Variants in TECRL observed in about 807,000 individuals in gnomAD.
TECRL encodes trans-2,3-enoyl-CoA reductase like.
Under a neutral mutation model 52.8 loss-of-function variants are expected in TECRL, and 63 were observed. That is an observed-to-expected ratio of 1.19 (90% CI 0.97 to 1.47). The LOEUF (loss-of-function observed/expected upper bound fraction) is 1.47, where lower values mean the gene tolerates loss of function less well. Among genes scored for constraint, TECRL ranks in the 40% most tolerant of loss-of-function variants. TECRL has a pLI of 0.00. For missense variants in TECRL, 482 were observed against 429.6 expected (o/e 1.12, Z -1.08); for synonymous variants, 164 against 141.9 (o/e 1.16, Z -1.10).
rs182735974 is a variant in TECRL, at chr4:64,281,153, T to G, written c.919-67A>C. 1.8e-4 allele frequency: 231 copies of G among 1,272,182 alleles called. 1 individual carries two copies. The Admixed American group carries it at 4.2e-3, about 23-fold the overall frequency. The allele number at this position is 1,272,182 out of a possible 1,614,324, so 78.8% of individuals were successfully genotyped here. A position where few individuals can be genotyped will look rare whatever the true frequency, so the allele number is the denominator to read the frequency against. ...TCTAGTAATTTGTTCATTTGTGGCT[T>G]TAACAGGTAATTTTAAGGCTTAAAA... On this transcript the variant is annotated intron_variant, in intron 10 of 11. Transcript: ENST00000381210.
intron 1 of TECRL, among the ~76,000 whole-genome samples, chr4:64,399,307 C>T (rs1034256235): frequency 2.0e-5 from 3 of 152,040 alleles, no homozygotes; most frequent in Non-Finnish European, 2.9e-5. Context: ...AGAAGAATAA[C>T]TTGAAGTTGG....
intron 8 of TECRL, among the ~76,000 whole-genome samples, chr4:64,293,268 C>T (rs1014058397): frequency 2.0e-5 from 3 of 151,874 alleles, no homozygotes; most frequent in Non-Finnish European, 4.4e-5. Context: ...TTTCAGGACC[C>T]TCTATACTCT....
intron 4 of TECRL, among the ~76,000 whole-genome samples, chr4:64,322,387 C>T (rs1017849705): frequency 8.0e-5 from 12 of 149,874 alleles, no homozygotes; most frequent in Admixed American, 7.4e-4. Context: ...AGCAGCAGGA[C>T]CTAGACCGAA....
chr4:64,325,489 T>G (rs1247112965), intron 3 of TECRL, among the ~76,000 whole-genome samples: 1 of 152,112 alleles, frequency 6.6e-6, no homozygotes, highest in Non-Finnish European at 1.5e-5. Context: ...ACAATCCTAA[T>G]CAGAGAATCA....
intron 2 of TECRL, among the ~76,000 whole-genome samples, chr4:64,345,593 T>C (rs1408331272): frequency 2.0e-5 from 3 of 150,262 alleles, no homozygotes; most frequent in Non-Finnish European, 4.4e-5. Flanking sequence ...GAGATATACC[T>C]AATGTTAAAT....
chr4:64,384,226 T>C (rs1723016723), intron 1 of TECRL, among the ~76,000 whole-genome samples: 1 of 152,126 alleles, frequency 6.6e-6, no homozygotes, highest in Admixed American at 6.5e-5. Context: ...GCTTCTCATG[T>C]GCTTACAGTG....
At chr4:64,336,297 C>G (rs1252664123) in intron 2 of TECRL, among the ~76,000 whole-genome samples, 1 of 152,072 alleles carries the variant, frequency 6.6e-6, no homozygotes, top group African/African-American at 2.4e-5. Flanking sequence ...AGTTTATTTG[C>G]GTAGAGGTGT....
intron 2 of TECRL, among the ~76,000 whole-genome samples, chr4:64,340,589 A>T (rs1205418241): frequency 6.6e-6 from 1 of 152,204 alleles, no homozygotes; most frequent in Non-Finnish European, 1.5e-5. Context: ...CTGACAAGCA[A>T]GGGAGGAAAG....
At chr4:64,276,423 T>C (rs1239453011), downstream of TECRL, 1 of 151,896 alleles carries the variant, frequency 6.6e-6, no homozygotes, top group Non-Finnish European at 1.5e-5. Flanking sequence ...AGTAATGTTA[T>C]TGTTAATTTG....
At chr4:64,354,906 G>A (rs1312098684) in intron 2 of TECRL, among the ~76,000 whole-genome samples, 1 of 152,096 alleles carries the variant, frequency 6.6e-6, no homozygotes, top group Non-Finnish European at 1.5e-5. Flanking sequence ...TTTAACTAGT[G>A]AAAAGAATCA....
chr4:64,347,114 T>G (rs1008747938), intron 2 of TECRL, among the ~76,000 whole-genome samples: 2 of 152,304 alleles, frequency 1.3e-5, no homozygotes, highest in South Asian at 4.1e-4. Flanking sequence ...TCCTGAATTG[T>G]GACATTCTTA....
At chr4:64,406,776 CATGGT>C (rs1424822773) in intron 1 of TECRL, among the ~76,000 whole-genome samples, 1 of 151,928 alleles carries the variant, frequency 6.6e-6, no homozygotes, top group Non-Finnish European at 1.5e-5. Flanking sequence ...TTCCAAAGTA[CATGGT>C]ATGTAAATTG....
chr4:64,276,867 A>ACATATG (rs1053882304), downstream of TECRL: 12 of 407,048 alleles, frequency 2.9e-5, no homozygotes, highest in Admixed American at 1.6e-4. Flanking sequence ...ATACCCATAT[A>ACATATG]CATATGCATA....
At chr4:64,293,543 G>T (rs1723510093) in intron 8 of TECRL, among the ~76,000 whole-genome samples, 1 of 152,074 alleles carries the variant, frequency 6.6e-6, no homozygotes, top group African/African-American at 2.4e-5. Flanking sequence ...TTACTGTTAA[G>T]CATTGTGTCT....
At chr4:64,342,427 A>G (rs1229211104) in intron 2 of TECRL, among the ~76,000 whole-genome samples, 1 of 43,770 alleles carries the variant, frequency 2.3e-5, no homozygotes, top group Non-Finnish European at 5.1e-5. Flanking sequence ...AGTTTTATAT[A>G]TATATATGTG....
chr4:64,387,380 A>T (rs1381347085), intron 1 of TECRL, among the ~76,000 whole-genome samples: 1 of 152,162 alleles, frequency 6.6e-6, no homozygotes, highest in East Asian at 1.9e-4. Flanking sequence ...ATCTTTATGC[A>T]GATTTATGTG....
At chr4:64,291,704 A>C (rs553633431) in intron 8 of TECRL, among the ~76,000 whole-genome samples, 2 of 152,136 alleles carry the variant, frequency 1.3e-5, no homozygotes, top group South Asian at 4.1e-4. Context: ...CATGAAAAAA[A>C]TAGCATATAG....
chr4:64,391,568 T>C (rs576183930), intron 1 of TECRL, among the ~76,000 whole-genome samples: 3 of 151,988 alleles, frequency 2.0e-5, no homozygotes, highest in African/African-American at 7.2e-5. Flanking sequence ...CTTAATTATC[T>C]AAGAAATCTC....
chr4:64,383,897 TC>T (rs1722991023), intron 1 of TECRL, among the ~76,000 whole-genome samples: 2 of 152,070 alleles, frequency 1.3e-5, no homozygotes, highest in African/African-American at 4.8e-5. Flanking sequence ...AAAAATTTTT[TC>T]CTGTAGATGT....
Sources: gnomAD v4.1 joint callset for allele counts (sites outside exome capture counted in the v4.1 genomes callset) on GRCh38, gnomAD v4.1.1 for gene constraint, MANE v1.5 for transcripts, NCBI Gene and HGNC (gene_info 2026-07-23, HGNC 2026-07-21) for gene names.